The following COL5A2 variants were observed in gnomAD, a reference collection of about 807,000 sequenced individuals.
COL5A2 encodes collagen type V alpha 2 chain, also known as collagen alpha-2(V) chain.
COL5A2 carries 23 observed loss-of-function variants against 208.2 expected under a neutral mutation model. The observed-to-expected ratio is 0.11, with a 90% confidence interval of 0.08 to 0.16. The LOEUF (loss-of-function observed/expected upper bound fraction) is 0.16, where lower values mean the gene tolerates loss of function less well. Ranked by LOEUF, COL5A2 falls within the 10% of genes least tolerant of loss-of-function variation. The probability of loss-of-function intolerance (pLI) is 1.00; values close to 1 mark genes in which losing one functional copy is unlikely to be tolerated. For synonymous variants in COL5A2, 625 were observed against 628.5 expected (o/e 0.99, Z 0.08); for missense variants, 1,590 against 1,956.4 (o/e 0.81, Z 3.53).
the COL5A2 span, among the ~76,000 whole-genome samples, chr2:189,230,983 A>G: frequency 6.6e-6 from 1 of 151,974 alleles, no homozygotes; most frequent in South Asian, 2.1e-4. Flanking sequence ...ACAATGGAAT[A>G]TTATTCAGCC....
intron 1 of COL5A2, among the ~76,000 whole-genome samples, chr2:189,138,269 C>T (rs1211432531): frequency 6.6e-6 from 1 of 151,998 alleles, no homozygotes; most frequent in East Asian, 1.9e-4. Context: ...CCAATGCACC[C>T]GGCCCGGTAT....
At chr2:189,066,101 T>C (rs1479602680) in intron 23 of COL5A2, among the ~76,000 whole-genome samples, 1 of 152,238 alleles carries the variant, frequency 6.6e-6, no homozygotes, top group Non-Finnish European at 1.5e-5. Context: ...AATAAACAAC[T>C]ATTTACTAGT....
At chr2:189,292,971 A>G in the COL5A2 span, among the ~76,000 whole-genome samples, 4 of 152,152 alleles carry the variant, frequency 2.6e-5, no homozygotes, top group Non-Finnish European at 5.9e-5. Context: ...GGATGAAACT[A>G]GAAATCATCA....
At chr2:189,211,543 A>G (rs1689213350) in intron 1 of COL5A2, among the ~76,000 whole-genome samples, 1 of 152,194 alleles carries the variant, frequency 6.6e-6, no homozygotes, top group South Asian at 2.1e-4. Context: ...AGAATAAGGC[A>G]GAGACTCCAG....
chr2:189,270,525 G>T, the COL5A2 span, among the ~76,000 whole-genome samples: 1 of 152,152 alleles, frequency 6.6e-6, no homozygotes, highest in Non-Finnish European at 1.5e-5. Context: ...TTTTCATGTA[G>T]TTGTGCAGTT....
chr2:189,144,815 A>T (rs1688007299), intron 1 of COL5A2, among the ~76,000 whole-genome samples: 1 of 152,128 alleles, frequency 6.6e-6, no homozygotes, highest in East Asian at 1.9e-4. Context: ...GTAGATGAAG[A>T]ATTCTCCATT....
At position 189,085,192 on chromosome 2, in the gene COL5A2, G is replaced by C. The variant is rs750774827; in HGVS notation, c.766C>G (p.Pro256Ala). 6.2e-7 allele frequency: 1 copy of C among 1,612,006 alleles called. No individual in the cohort carries two copies. The highest frequency in any genetic ancestry group is 1.3e-5 in the African/African-American group (1 of 74,990). ...CCAGGTTTACCAGGAGGGCCCTCTG[G>C]TCCACGTGAACCAATCGGACCCTAA... is the stretch of plus-strand genomic sequence containing the variant. ...GPMGPIGSRG[P>A]EGPPGKPGED... Residue 256 changes from proline to alanine, a missense_variant, in exon 11 of 54, where the codon CCA becomes GCA. Transcript: ENST00000374866.
At chr2:189,284,687 A>G in the COL5A2 span, among the ~76,000 whole-genome samples, 2 of 152,300 alleles carry the variant, frequency 1.3e-5, no homozygotes, top group East Asian at 3.9e-4. Flanking sequence ...CTAATTGACT[A>G]ATATAGAGTA....
the COL5A2 span, among the ~76,000 whole-genome samples, chr2:189,278,192 A>G: frequency 6.6e-6 from 1 of 152,274 alleles, no homozygotes; most frequent in African/African-American, 2.4e-5. Context: ...GCTGAACCAG[A>G]TATTCTACAT....
chr2:189,285,633 T>C, the COL5A2 span, among the ~76,000 whole-genome samples: 1 of 152,138 alleles, frequency 6.6e-6, no homozygotes, highest in African/African-American at 2.4e-5. Context: ...GTCATCTAAC[T>C]TGATATTTTC....
chr2:189,190,417 T>G (rs1001289977), intron 1 of COL5A2, among the ~76,000 whole-genome samples: 2 of 152,194 alleles, frequency 1.3e-5, no homozygotes, highest in Non-Finnish European at 2.9e-5. Context: ...ATAAATACAA[T>G]ACACAGCTAA....
At chr2:189,324,453 TCAAA>T in the COL5A2 span, among the ~76,000 whole-genome samples, 1 of 151,936 alleles carries the variant, frequency 6.6e-6, no homozygotes, top group Non-Finnish European at 1.5e-5. Flanking sequence ...TACAAAGAAC[TCAAA>T]CAAATTTACA....
At chr2:189,275,610 C>T in the COL5A2 span, among the ~76,000 whole-genome samples, 6 of 151,852 alleles carry the variant, frequency 4.0e-5, no homozygotes. Flanking sequence ...CGCGCCACCA[C>T]CCTGGCTAAT....
the COL5A2 span, among the ~76,000 whole-genome samples, chr2:189,438,309 G>A: frequency 6.6e-6 from 1 of 151,966 alleles, no homozygotes; most frequent in African/African-American, 2.4e-5. Context: ...AAAAGAGTTT[G>A]GCAATTTCTT....
chr2:189,062,949 A>C, intron 28 of COL5A2, 31 bp from the exon 29 acceptor site: 1 of 1,613,980 alleles, frequency 6.2e-7, no homozygotes, highest in Non-Finnish European at 8.5e-7. Flanking sequence ...TTGTGAGGTG[A>C]GTCTATGATA....
chr2:189,310,519 C>A, the COL5A2 span, among the ~76,000 whole-genome samples: 1 of 152,092 alleles, frequency 6.6e-6, no homozygotes, highest in Non-Finnish European at 1.5e-5. Flanking sequence ...TTTGGAAGTT[C>A]CTCAAAAAAC....
the COL5A2 span, among the ~76,000 whole-genome samples, chr2:189,423,632 A>T: frequency 6.6e-6 from 1 of 152,138 alleles, no homozygotes; most frequent in Admixed American, 6.5e-5. Context: ...GAGGAAATGG[A>T]TAAATTCCTT....
chr2:189,435,973 T>C, the COL5A2 span, among the ~76,000 whole-genome samples: 1 of 152,132 alleles, frequency 6.6e-6, no homozygotes, highest in African/African-American at 2.4e-5. Flanking sequence ...GTGGCACATA[T>C]ACACCATGGA....
the COL5A2 span, among the ~76,000 whole-genome samples, chr2:189,234,463 G>T: frequency 6.6e-6 from 1 of 151,660 alleles, no homozygotes. Context: ...TTTAAATGAA[G>T]ATTTTGGTAA....
Sources: gnomAD v4.1 joint callset for allele counts (sites outside exome capture counted in the v4.1 genomes callset) on GRCh38, gnomAD v4.1.1 for gene constraint, MANE v1.5 for transcripts, NCBI Gene and HGNC (gene_info 2026-07-23, HGNC 2026-07-21) for gene names.